The following CNTNAP2 variants were observed in gnomAD, a reference collection of about 807,000 sequenced individuals.
The protein encoded by CNTNAP2 is contactin-associated protein-like 2.
Under a neutral mutation model 155.2 loss-of-function variants are expected in CNTNAP2, and 98 were observed. The ratio of observed to expected loss-of-function variants is 0.63; its 90% CI spans 0.54 to 0.75. The LOEUF (loss-of-function observed/expected upper bound fraction) is 0.75, where lower values mean the gene tolerates loss of function less well. Ranked by LOEUF, CNTNAP2 falls within the 30% of genes least tolerant of loss-of-function variation. CNTNAP2 has a pLI of 0.00. For missense variants in CNTNAP2, 1,727 were observed against 1,688.1 expected (o/e 1.02, Z -0.40); for synonymous variants, 651 against 631.2 (o/e 1.03, Z -0.47).
At chr7:147,593,500 C>A (rs557346841) in intron 12 of CNTNAP2, among the ~76,000 whole-genome samples, 1 of 151,866 alleles carries the variant, frequency 6.6e-6, no homozygotes, top group African/African-American at 2.4e-5. Context: ...TTCTGTCCCC[C>A]TTTTACCACT....
chr7:147,943,512 A>G (rs1348584102), intron 14 of CNTNAP2, among the ~76,000 whole-genome samples: 1 of 152,038 alleles, frequency 6.6e-6, no homozygotes, highest in African/African-American at 2.4e-5. Flanking sequence ...TCACGCTTGT[A>G]AATCCCAGTA....
At chr7:146,542,158 G>A (rs1797962777) in intron 1 of CNTNAP2, among the ~76,000 whole-genome samples, 1 of 151,764 alleles carries the variant, frequency 6.6e-6, no homozygotes, top group African/African-American at 2.4e-5. Flanking sequence ...TTCTTGTTTA[G>A]TTCTTCTAAA....
chr7:147,070,149 A>G (rs1799862245), intron 4 of CNTNAP2, among the ~76,000 whole-genome samples: 1 of 152,204 alleles, frequency 6.6e-6, no homozygotes, highest in Admixed American at 6.5e-5. Flanking sequence ...TATGCTTTTT[A>G]CATATTGCAA....
At chr7:148,245,729 G>A (rs1796249922) in intron 20 of CNTNAP2, among the ~76,000 whole-genome samples, 1 of 152,048 alleles carries the variant, frequency 6.6e-6, no homozygotes, top group African/African-American at 2.4e-5. Context: ...AATTTAATAG[G>A]CTTCTGTACT....
chr7:147,809,227 T>C (rs534428451), intron 13 of CNTNAP2, among the ~76,000 whole-genome samples: 1 of 152,280 alleles, frequency 6.6e-6, no homozygotes, highest in East Asian at 1.9e-4. Context: ...CTGTTTTCTC[T>C]CCTTGTTTCC....
At chr7:147,784,494 A>ATAT (rs1704923618) in intron 13 of CNTNAP2, among the ~76,000 whole-genome samples, 6 of 45,020 alleles carry the variant, frequency 1.3e-4, no homozygotes, top group African/African-American at 2.8e-4. Context: ...GCTCTGGACT[A>ATAT]ATATATATAT....
chr7:147,957,523 G>T (rs1801038245), intron 14 of CNTNAP2, among the ~76,000 whole-genome samples: 1 of 152,142 alleles, frequency 6.6e-6, no homozygotes, highest in African/African-American at 2.4e-5. Flanking sequence ...CACCAGGGGA[G>T]TAGGTGGCTG....
chr7:148,260,829 A>T (rs1255381717), intron 20 of CNTNAP2, among the ~76,000 whole-genome samples: 1 of 152,172 alleles, frequency 6.6e-6, no homozygotes, highest in Non-Finnish European at 1.5e-5. Context: ...AACGCAAGCC[A>T]ATGTTTACAG....
At chr7:146,673,375 A>G (rs2129168500) in intron 1 of CNTNAP2, among the ~76,000 whole-genome samples, 1 of 152,346 alleles carries the variant, frequency 6.6e-6, no homozygotes, top group African/African-American at 2.4e-5. Flanking sequence ...TATTAGAACT[A>G]TTTACATTCT....
chr7:146,170,914 C>T lies in CNTNAP2; in HGVS notation c.97+53941C>T, dbSNP rs777935969. Among the ~76,000 whole-genome samples the T allele has an allele frequency of 5.2e-4, 79 of 152,090 alleles. 1 individual carries two copies. Among genetic ancestry groups the T allele is most frequent in the Admixed American group, 7.9e-4 (12 of 15,268 alleles). On this transcript the variant is annotated intron_variant, in intron 1 of 23. Coordinates refer to ENST00000361727, the MANE Select transcript of CNTNAP2 (RefSeq NM_014141.6). ...TAGTGTTGGCTGCGTGTAATCCCAGCTACTCAGGAGGCTCAGGGAGGAGAA... is the reference window on the plus strand; with the variant it reads ...TAGTGTTGGCTGCGTGTAATCCCAGTTACTCAGGAGGCTCAGGGAGGAGAA...
chr7:148,414,268 C>T (rs995662121), intron 23 of CNTNAP2, among the ~76,000 whole-genome samples: 5 of 151,972 alleles, frequency 3.3e-5, no homozygotes, highest in Admixed American at 6.6e-5. Flanking sequence ...GTATAAAAGA[C>T]CGGGTTTCAC....
chr7:146,603,694 A>G (rs1798990274), intron 1 of CNTNAP2, among the ~76,000 whole-genome samples: 1 of 151,214 alleles, frequency 6.6e-6, no homozygotes, highest in Admixed American at 6.6e-5. Context: ...TACAGTAACC[A>G]AAACAGCATG....
At chr7:147,454,304 G>A (rs1021889086) in intron 10 of CNTNAP2, among the ~76,000 whole-genome samples, 1 of 152,154 alleles carries the variant, frequency 6.6e-6, no homozygotes, top group Non-Finnish European at 1.5e-5. Context: ...TTTTGCAATA[G>A]GACGTCGAGT....
intron 22 of CNTNAP2, among the ~76,000 whole-genome samples, chr7:148,408,278 A>G (rs1799750628): frequency 6.6e-6 from 1 of 152,058 alleles, no homozygotes; most frequent in East Asian, 1.9e-4. Context: ...ACACACACAA[A>G]AAAAGAATAT....
At chr7:146,548,261 A>G (rs1208714852) in intron 1 of CNTNAP2, among the ~76,000 whole-genome samples, 2 of 151,914 alleles carry the variant, frequency 1.3e-5, no homozygotes, top group South Asian at 4.1e-4. Context: ...GATAATGGCC[A>G]ACGTCTCCAT....
chr7:148,387,507 G>GTAGAT (rs2116668313), intron 22 of CNTNAP2, among the ~76,000 whole-genome samples: 1 of 152,260 alleles, frequency 6.6e-6, no homozygotes, highest in African/African-American at 2.4e-5. Context: ...ACATTTGGAA[G>GTAGAT]TAGATTATCT....
intron 13 of CNTNAP2, among the ~76,000 whole-genome samples, chr7:147,650,488 C>A (rs923717002): frequency 2.6e-5 from 4 of 152,154 alleles, no homozygotes; most frequent in Non-Finnish European, 4.4e-5. Flanking sequence ...TCAGCCTACT[C>A]AACATGAAGA....
At chr7:147,563,394 A>C (rs1473812345) in intron 12 of CNTNAP2, among the ~76,000 whole-genome samples, 1 of 151,950 alleles carries the variant, frequency 6.6e-6, no homozygotes, top group African/African-American at 2.4e-5. Context: ...ATCTTGGGAG[A>C]CTGAGGTAGG....
At chr7:147,499,639 A>G (rs1213613925) in intron 11 of CNTNAP2, among the ~76,000 whole-genome samples, 1 of 152,126 alleles carries the variant, frequency 6.6e-6, no homozygotes, top group East Asian at 1.9e-4. Context: ...CCAATTTCCC[A>G]AATTTTACCC....
Sources: allele counts gnomAD v4.1 joint callset (sites outside exome capture counted in the v4.1 genomes callset), GRCh38; gene constraint gnomAD v4.1.1; transcripts MANE v1.5; gene names NCBI Gene and HGNC (gene_info 2026-07-23, HGNC 2026-07-21).